Variants in DOK7 observed in about 807,000 individuals in gnomAD.
DOK7 encodes the protein docking protein 7, also known as protein Dok-7.
Under a neutral mutation model 30.7 loss-of-function variants are expected in DOK7, and 32 were observed. The ratio of observed to expected loss-of-function variants is 1.04; its 90% CI spans 0.79 to 1.40. The LOEUF (loss-of-function observed/expected upper bound fraction) is 1.40, where lower values mean the gene tolerates loss of function less well. Ranked by LOEUF, DOK7 falls within the 40% of genes most tolerant of loss-of-function variation. DOK7 has a pLI of 0.00. For synonymous variants in DOK7, 447 were observed against 324.1 expected (o/e 1.38, Z -4.07); for missense variants, 1,007 against 699.2 (o/e 1.44, Z -4.97).
downstream of DOK7, among the ~76,000 whole-genome samples, chr4:3,496,051 T>G (rs1248795633): frequency 6.6e-6 from 1 of 152,286 alleles, no homozygotes; most frequent in African/African-American, 2.4e-5. Context: ...TGCGCCTTCT[T>G]TCTAGCTGCC....
intron 5 of DOK7, among the ~76,000 whole-genome samples, chr4:3,487,346 C>A (rs997679703): frequency 5.9e-5 from 9 of 152,238 alleles, no homozygotes; most frequent in Admixed American, 3.3e-4. Context: ...CCTGTGCTGG[C>A]AGCACACTGG....
At position 3,492,938 on chromosome 4, in the gene DOK7, C is replaced by CA; in HGVS notation, c.952_953insA (p.Pro318HisfsTer51). ...AGCCATGGTGGGTGCCTCAAGGCCA[C>CA]CCCCCAAGCCGCTGCGTCCGCGGCA... On this transcript the variant is annotated frameshift_variant, in exon 7 of 7. Transcript: ENST00000340083. LOFTEE classifies it low-confidence loss of function (END_TRUNC). 1 of 1,555,086 alleles carries CA rather than the reference C, an allele frequency of 6.4e-7. No individual in the cohort carries two copies. The highest frequency in any genetic ancestry group is 2.4e-5 in the East Asian group (1 of 41,488).
chr4:3,489,527 C>CTGGGATGAGGCATCGGGAGGAGCGAA, intron 5 of DOK7, 150 bp from the exon 6 acceptor site: 1 of 1,316,172 alleles, frequency 7.6e-7, no homozygotes, highest in Non-Finnish European at 1.1e-6. Context: ...GGGCCAGCCT[C>CTGGGATGAGGCATCGGGAGGAGCGAA]TGGGATGAGG....
At chr4:3,468,639 T>TGTGTGTGTGCATGTATGA (rs1491411766) in intron 2 of DOK7, among the ~76,000 whole-genome samples, 5 of 145,078 alleles carry the variant, frequency 3.4e-5, no homozygotes, top group African/African-American at 1.3e-4. Context: ...TGTATATGCC[T>TGTGTGTGTGCATGTATGA]GTGTGTGTGC....
intron 6 of DOK7, among the ~76,000 whole-genome samples, chr4:3,499,726 G>A (rs992069441): frequency 3.3e-5 from 5 of 152,088 alleles, no homozygotes; most frequent in African/African-American, 7.2e-5. Flanking sequence ...CAGAGGGAGC[G>A]TGGGCCTGTG....
intron 5 of DOK7, among the ~76,000 whole-genome samples, chr4:3,489,254 G>A (rs940323646): frequency 6.6e-6 from 1 of 152,148 alleles, no homozygotes; most frequent in Non-Finnish European, 1.5e-5. Context: ...CCCAGGTGGA[G>A]GGGAGCCTGT....
intron 3 of DOK7, among the ~76,000 whole-genome samples, chr4:3,475,671 C>T (rs547988635): frequency 7.2e-5 from 11 of 152,216 alleles, no homozygotes; most frequent in African/African-American, 1.9e-4. Context: ...GCTGGGGCCT[C>T]GATACAGACT....
chr4:3,468,759 T>A (rs73195120), intron 2 of DOK7, among the ~76,000 whole-genome samples: 5 of 145,440 alleles, frequency 3.4e-5, no homozygotes, highest in South Asian at 2.2e-4. Context: ...TCTGTGTGCG[T>A]GTGTGTGTGC....
intron 2 of DOK7, among the ~76,000 whole-genome samples, chr4:3,472,438 G>A (rs1192101426): frequency 6.6e-6 from 1 of 152,202 alleles, no homozygotes; most frequent in Non-Finnish European, 1.5e-5. Flanking sequence ...CACCCTCGCC[G>A]AAGCCGGGTA....
At chr4:3,468,517 T>C (rs1005335690) in intron 2 of DOK7, among the ~76,000 whole-genome samples, 7 of 106,886 alleles carry the variant, frequency 6.5e-5, no homozygotes, top group African/African-American at 3.1e-4. Flanking sequence ...TGTGCGTGTA[T>C]GAGTGTGTGT....
chr4:3,485,314 C>G, intron 4 of DOK7: 1 of 557,128 alleles, frequency 1.8e-6, no homozygotes, highest in Non-Finnish European at 3.0e-6. Context: ...AGTCCAGAGG[C>G]TCTGGGGACC....
At chr4:3,476,245 T>TCCC in intron 3 of DOK7, 97 bp from the exon 4 acceptor site, 1 of 634,012 alleles carries the variant, frequency 1.6e-6, no homozygotes. Flanking sequence ...TGATGCCCTC[T>TCCC]CACCCCACCC....
At chr4:3,488,601 C>T (rs731450) in intron 5 of DOK7, among the ~76,000 whole-genome samples, 109,163 of 152,088 alleles carry the variant, frequency 0.72, 39,535 homozygotes, top group East Asian at 0.93. Context: ...GTCCTCTGTG[C>T]GCTGCAGAAT....
At chr4:3,491,145 ATTCC>A (rs1173590549) in intron 6 of DOK7, among the ~76,000 whole-genome samples, 193 of 47,096 alleles carry the variant, frequency 4.1e-3, no homozygotes, top group African/African-American at 0.016. Flanking sequence ...CCTTCCCCCC[ATTCC>A]TTCCTTCCTT....
intron 3 of DOK7, among the ~76,000 whole-genome samples, chr4:3,475,822 G>A (rs1002618686): frequency 6.6e-6 from 1 of 152,126 alleles, no homozygotes; most frequent in Admixed American, 6.5e-5. Context: ...GCACTCAGCT[G>A]CCCTGTCCTC....
intron 4 of DOK7, among the ~76,000 whole-genome samples, chr4:3,483,925 G>A (rs888626170): frequency 1.3e-5 from 2 of 152,174 alleles, no homozygotes; most frequent in African/African-American, 2.4e-5. Flanking sequence ...ACCCCATCAC[G>A]GCCCTCATGA....
In DOK7 at chr4:3,493,007, G is replaced by T. The variant is rs767832304; in HGVS notation, c.1021G>T (p.Ala341Ser). ...GRQSSSDSGI[A>S]TGSHSSYSSS... ...CCAGAGCTCCTCGGACAGCGGCATC[G>T]CCACTGGCAGCCACTCCTCTTACTC... The change falls in exon 7 of 7, where the codon GCC becomes TCC. Residue 341 changes from alanine to serine, a missense_variant. Ala to Ser is a moderately conservative substitution (Grantham distance 99). Transcript: ENST00000340083. 9 of 1,562,416 alleles carry T rather than the reference G, an allele frequency of 5.8e-6. No homozygotes were observed. Among genetic ancestry groups the T allele is most frequent in the South Asian group, 1.2e-5 (1 of 86,324 alleles).
chr4:3,472,792 C>T (rs1451441513), intron 2 of DOK7, among the ~76,000 whole-genome samples: 4 of 152,206 alleles, frequency 2.6e-5, no homozygotes, highest in African/African-American at 7.2e-5. Flanking sequence ...CCCCAGCAGC[C>T]GAGGAAGAGA....
chr4:3,493,356 A>G lies in DOK7; in HGVS notation c.1370A>G (p.Glu457Gly). 6.3e-7 allele frequency: 1 copy of G among 1,597,352 alleles called. No individual in the cohort carries two copies. Among genetic ancestry groups the G allele is most frequent in the Non-Finnish European group, 8.5e-7 (1 of 1,172,274 alleles). ...ACGAGACGGCGGGGCCTGGTGATGGAGGCCCCCCAGGGCAGCGAGGCCACA... is the reference window on the plus strand; with the variant it reads ...ACGAGACGGCGGGGCCTGGTGATGGGGGCCCCCCAGGGCAGCGAGGCCACA... Reference protein sequence around the residue: ...LGTRRRGLVMEAPQGSEATLP... With the variant: ...LGTRRRGLVMGAPQGSEATLP... Residue 457 changes from glutamate to glycine, a missense_variant, in exon 7 of 7, where the codon GAG becomes GGG. Coordinates refer to ENST00000340083, the MANE Select transcript of DOK7 (RefSeq NM_173660.5).
Sources: gnomAD v4.1 joint callset for allele counts (sites outside exome capture counted in the v4.1 genomes callset) on GRCh38, gnomAD v4.1.1 for gene constraint, MANE v1.5 for transcripts, NCBI Gene and HGNC (gene_info 2026-07-23, HGNC 2026-07-21) for gene names.